ARHGEF37: variants seen among roughly 807,000 people sequenced by gnomAD.
The protein encoded by ARHGEF37 is Rho guanine nucleotide exchange factor (GEF) 37.
A neutral mutation model predicts 71.1 loss-of-function variants in ARHGEF37; 55 were observed. The ratio of observed to expected loss-of-function variants is 0.77; its 90% CI spans 0.62 to 0.97. The LOEUF is 0.97. ARHGEF37 is among the 50% of genes least tolerant of loss of function. The pLI, the probability that ARHGEF37 is intolerant of heterozygous loss-of-function variation, is 0.00. For missense variants in ARHGEF37, 765 were observed against 836.8 expected (o/e 0.91, Z 1.06); for synonymous variants, 327 against 350.6 (o/e 0.93, Z 0.75).
At position 149,624,159 on chromosome 5, in the gene ARHGEF37, C is replaced by T; in HGVS notation, c.1464+19C>T. The T allele has an allele frequency of 1.9e-5, 30 of 1,594,404 alleles. No homozygotes were observed. Among genetic ancestry groups the T allele is most frequent in the Non-Finnish European group, 2.4e-5 (28 of 1,164,416 alleles). ...CACACAAGTAAGCATCCTTCCTCCA[C>T]CCCAAAGACTGTCCAGTTCTTCACT... On this transcript the variant is annotated intron_variant, in intron 10 of 12. Coordinates refer to ENST00000333677, the MANE Select transcript of ARHGEF37 (RefSeq NM_001001669.3).
chr5:149,570,801 G>A (rs1206827978), intron 1 of ARHGEF37, among the ~76,000 whole-genome samples: 17 of 146,562 alleles, frequency 1.2e-4, no homozygotes, highest in South Asian at 4.4e-4. Context: ...GCTTGAACCC[G>A]GGAGGCGGAG....
chr5:149,561,917 T>G (rs1762837627), intron 1 of ARHGEF37, among the ~76,000 whole-genome samples: 1 of 152,228 alleles, frequency 6.6e-6, no homozygotes, highest in African/African-American at 2.4e-5. Context: ...TCCTCTGCAT[T>G]GTTCATTAGC....
At chr5:149,625,954 G>C (rs1752672033) in intron 10 of ARHGEF37, among the ~76,000 whole-genome samples, 4 of 152,160 alleles carry the variant, frequency 2.6e-5, no homozygotes, top group Admixed American at 2.6e-4. Context: ...TGAGAAAGAA[G>C]GCCAGCATTT....
At chr5:149,561,163 C>T (rs1009941600) in intron 1 of ARHGEF37, among the ~76,000 whole-genome samples, 8 of 151,452 alleles carry the variant, frequency 5.3e-5, no homozygotes, top group Non-Finnish European at 7.4e-5. Flanking sequence ...GTCCCAGCTA[C>T]TCGGGAGGCT....
chr5:149,559,389 A>T (rs967146644), intron 1 of ARHGEF37, among the ~76,000 whole-genome samples: 1 of 152,216 alleles, frequency 6.6e-6, no homozygotes, highest in African/African-American at 2.4e-5. Flanking sequence ...TTTTTCATGT[A>T]GTGATTTGTC....
intron 1 of ARHGEF37, among the ~76,000 whole-genome samples, chr5:149,570,962 G>T (rs1381209646): frequency 6.6e-6 from 1 of 152,040 alleles, no homozygotes; most frequent in Admixed American, 6.5e-5. Context: ...ATTTTTTTGA[G>T]ATGGAGTTTC....
At chr5:149,577,069 C>A (rs774852054), upstream of ARHGEF37, among the ~76,000 whole-genome samples, 1 of 152,152 alleles carries the variant, frequency 6.6e-6, no homozygotes, top group African/African-American at 2.4e-5. Context: ...CAGAAAGCAA[C>A]CACACGAGAA....
At chr5:149,602,059 CTT>C (rs3073461) in intron 3 of ARHGEF37, among the ~76,000 whole-genome samples, 72,575 of 143,016 alleles carry the variant, frequency 0.51, 18,463 homozygotes, top group East Asian at 0.71. Flanking sequence ...TCTTTTCTTT[CTT>C]TTTTTTTTTT....
intron 11 of ARHGEF37, among the ~76,000 whole-genome samples, chr5:149,628,090 C>G (rs1752752000): frequency 6.6e-6 from 1 of 152,136 alleles, no homozygotes; most frequent in Non-Finnish European, 1.5e-5. Context: ...ACAGCACTTC[C>G]ATGACTTAAG....
chr5:149,621,454 A>T (rs1304608655), intron 8 of ARHGEF37, among the ~76,000 whole-genome samples: 1 of 152,080 alleles, frequency 6.6e-6, no homozygotes, highest in Non-Finnish European at 1.5e-5. Flanking sequence ...AAAAACAAAA[A>T]ACTTTTTCAA....
chr5:149,560,647 G>T (rs2113232448), intron 1 of ARHGEF37, among the ~76,000 whole-genome samples: 1 of 152,260 alleles, frequency 6.6e-6, no homozygotes, highest in South Asian at 2.1e-4. Context: ...TATTGGTTGG[G>T]TGCGGTGGCT....
rs568626628 is a variant in ARHGEF37 at position 149,619,489 on chromosome 5, G to A, written c.894+447G>A. Among the ~76,000 whole-genome samples, 74 of 152,268 alleles carry A rather than the reference G, an allele frequency of 4.9e-4. 3 individuals carry two copies. In the South Asian group the frequency reaches 0.014, roughly 28 times the overall value. Reference sequence around the variant, plus strand: ...TAAAATAATATTTGGAATTTGAAGGGCTGAATGAATGAATACATGAATCAA... The same window carrying A: ...TAAAATAATATTTGGAATTTGAAGGACTGAATGAATGAATACATGAATCAA... On this transcript the variant is annotated intron_variant, in intron 7 of 12. Coordinates refer to ENST00000333677, the MANE Select transcript of ARHGEF37 (RefSeq NM_001001669.3).
intron 8 of ARHGEF37, among the ~76,000 whole-genome samples, chr5:149,621,235 G>A (rs1752529026): frequency 6.6e-6 from 1 of 152,208 alleles, no homozygotes. Flanking sequence ...GGCCAAGGCA[G>A]GAGGATTGCT....
chr5:149,579,208 A>C (rs1561786263), upstream of ARHGEF37, among the ~76,000 whole-genome samples: 2 of 152,196 alleles, frequency 1.3e-5, no homozygotes, highest in Non-Finnish European at 2.9e-5. Flanking sequence ...AGATGATTTC[A>C]CACATTCAGG....
intron 1 of ARHGEF37, among the ~76,000 whole-genome samples, chr5:149,570,591 A>C (rs1408558486): frequency 7.3e-6 from 1 of 137,010 alleles, no homozygotes; most frequent in African/African-American, 2.8e-5. Flanking sequence ...AAAAAAAAAA[A>C]GTTTGGCCAG....
At chr5:149,604,676 A>AC (rs1763860211) in intron 3 of ARHGEF37, among the ~76,000 whole-genome samples, 2 of 91,696 alleles carry the variant, frequency 2.2e-5, no homozygotes, top group African/African-American at 8.7e-5. Context: ...CAGCAACACC[A>AC]TTTTTTTTTT....
chr5:149,601,038 C>T, intron 2 of ARHGEF37, 70 bp from the exon 3 acceptor site: 3 of 1,547,408 alleles, frequency 1.9e-6, no homozygotes, highest in Non-Finnish European at 1.8e-6. Context: ...TTCTGTCCTA[C>T]TCTCAAAAGC....
intron 1 of ARHGEF37, among the ~76,000 whole-genome samples, chr5:149,553,872 C>G (rs907237901): frequency 6.6e-6 from 1 of 152,022 alleles, no homozygotes; most frequent in Admixed American, 6.6e-5. Flanking sequence ...TATTCTTGCT[C>G]GGTTAAAAGT....
At chr5:149,593,144 TA>T (rs1305164480) in intron 1 of ARHGEF37, among the ~76,000 whole-genome samples, 1 of 152,246 alleles carries the variant, frequency 6.6e-6, no homozygotes, top group Non-Finnish European at 1.5e-5. Flanking sequence ...TATTCTATAA[TA>T]TTTTTTTGGT....
Sources: allele counts gnomAD v4.1 joint callset (sites outside exome capture counted in the v4.1 genomes callset), GRCh38; gene constraint gnomAD v4.1.1; transcripts MANE v1.5; gene names NCBI Gene and HGNC (gene_info 2026-07-23, HGNC 2026-07-21).